Variants in AGPS observed in about 807,000 individuals in gnomAD.
AGPS encodes alkyldihydroxyacetonephosphate synthase, peroxisomal.
In AGPS, 26 loss-of-function variants were observed where a neutral mutation model predicts 90.7. The observed-to-expected ratio is 0.29, with a 90% CI of 0.21 to 0.40. The LOEUF is 0.40. AGPS is among the 10% of genes least tolerant of loss of function. The pLI, the probability that AGPS is intolerant of heterozygous loss-of-function variation, is 1.00. For missense variants in AGPS, 540 were observed against 816.1 expected, an observed-to-expected ratio of 0.66 and a Z score of 4.12; for synonymous variants, 294 against 285.3, an observed-to-expected ratio of 1.03 and a Z score of -0.31.
chr2:177,498,542 T>C (rs994630442), intron 13 of AGPS, among the ~76,000 whole-genome samples: 1 of 151,532 alleles, frequency 6.6e-6, no homozygotes, highest in Admixed American at 6.6e-5. Context: ...TTTAATATAG[T>C]CTAAGCTTAG....
intron 2 of AGPS, among the ~76,000 whole-genome samples, chr2:177,429,760 C>A (rs1036525192): frequency 2.0e-5 from 3 of 152,176 alleles, no homozygotes; most frequent in East Asian, 1.9e-4. Flanking sequence ...TGTCTGGAGA[C>A]CCCTGTTGGG....
At chr2:177,485,450 A>G (rs1200285812) in intron 11 of AGPS, among the ~76,000 whole-genome samples, 1 of 152,188 alleles carries the variant, frequency 6.6e-6, no homozygotes. Flanking sequence ...AGTTTTTATT[A>G]CAATTCGATA....
chr2:177,513,699 T>A, intron 16 of AGPS, 120 bp from the exon 17 acceptor site: 1 of 735,478 alleles, frequency 1.4e-6, no homozygotes. Context: ...AAAGGACAAC[T>A]ATGAAAGCTT....
At chr2:177,416,866 T>G (rs766951787) in intron 1 of AGPS, among the ~76,000 whole-genome samples, 16 of 152,182 alleles carry the variant, frequency 1.1e-4, no homozygotes, top group Non-Finnish European at 1.9e-4. Flanking sequence ...TTTGGTATAG[T>G]TAGCTCTAAG....
At chr2:177,414,809 A>G (rs1685737136) in intron 1 of AGPS, among the ~76,000 whole-genome samples, 1 of 151,420 alleles carries the variant, frequency 6.6e-6, no homozygotes, top group Non-Finnish European at 1.5e-5. Context: ...TACATTTTTA[A>G]TGTATGGTAT....
At chr2:177,401,025 A>G (rs1219648547) in intron 1 of AGPS, among the ~76,000 whole-genome samples, 1 of 152,218 alleles carries the variant, frequency 6.6e-6, no homozygotes, top group Non-Finnish European at 1.5e-5. Flanking sequence ...CTGTCAACTC[A>G]AATTTTGTAG....
At chr2:177,533,447 A>G (rs1003774189) in intron 19 of AGPS, among the ~76,000 whole-genome samples, 3 of 152,142 alleles carry the variant, frequency 2.0e-5, no homozygotes, top group African/African-American at 4.8e-5. Flanking sequence ...GCCAGGGACA[A>G]CATTGTGTTG....
intron 1 of AGPS, among the ~76,000 whole-genome samples, chr2:177,401,730 A>T (rs1388093823): frequency 6.6e-6 from 1 of 152,058 alleles, no homozygotes; most frequent in East Asian, 1.9e-4. Context: ...TTTTTAGTAG[A>T]GATGGGGTTT....
intron 8 of AGPS, among the ~76,000 whole-genome samples, chr2:177,455,859 A>G (rs1199985023): frequency 6.6e-6 from 1 of 152,086 alleles, no homozygotes; most frequent in African/African-American, 2.4e-5. Flanking sequence ...TTTTTAAGGA[A>G]TATATCTGAA....
rs746514371 is a variant in AGPS, at chr2:177,482,041, C to T, written c.1106-18C>T. On this transcript the variant is annotated intron_variant, in intron 10 of 19. Coordinates refer to ENST00000264167, the MANE Select transcript of AGPS (RefSeq NM_003659.4). ...TTGTCATGTGATGTACTGGATTATT[C>T]CCCCTTCTTTTTTTCAGGAACTCTT... 4.1e-5 allele frequency: 65 copies of T among 1,586,884 alleles called. No individual in the cohort carries two copies. Among genetic ancestry groups the T allele is most frequent in the Non-Finnish European group, 5.3e-5 (62 of 1,162,758 alleles).
At chr2:177,484,017 T>G (rs1293418024) in intron 11 of AGPS, among the ~76,000 whole-genome samples, 2 of 151,560 alleles carry the variant, frequency 1.3e-5, no homozygotes, top group African/African-American at 4.8e-5. Flanking sequence ...GGTGTTTTTT[T>G]TTTTTTTTAA....
chr2:177,502,777 C>T (rs1688598885), intron 14 of AGPS, among the ~76,000 whole-genome samples: 1 of 152,012 alleles, frequency 6.6e-6, no homozygotes, highest in African/African-American at 2.4e-5. Flanking sequence ...TGGTTTTCTA[C>T]CAGAAGTTCT....
chr2:177,474,351 G>A (rs984951505), intron 10 of AGPS, among the ~76,000 whole-genome samples: 2 of 152,144 alleles, frequency 1.3e-5, no homozygotes, highest in African/African-American at 4.8e-5. Flanking sequence ...TGAGGAGGGC[G>A]GAAGTTATTA....
At position 177,537,609 on chromosome 2, in the gene AGPS, C is replaced by A. The variant is rs139452758; in HGVS notation, c.1856-465C>A. On this transcript the variant is annotated intron_variant, in intron 19 of 19. Transcript: ENST00000264167. The stretch of plus-strand genomic sequence containing the variant: ...TTTCAAATTTTCTTATTATTTGAAG[C>A]CTTTATGTTCGTTAAAATATTTTAA... 1.1e-4 allele frequency among the ~76,000 whole-genome samples: 16 copies of A among 151,930 alleles called. No individual in the cohort carries two copies. In the East Asian group the frequency reaches 2.7e-3, roughly 26 times the overall value.
chr2:177,419,388 G>C (rs1685880618), intron 1 of AGPS, among the ~76,000 whole-genome samples: 2 of 151,920 alleles, frequency 1.3e-5, no homozygotes, highest in Non-Finnish European at 3.0e-5. Context: ...TGAATTTGTA[G>C]TAAGAAGACT....
intron 11 of AGPS, among the ~76,000 whole-genome samples, chr2:177,489,028 CAAGT>C (rs1688174656): frequency 1.3e-5 from 2 of 151,310 alleles, no homozygotes; most frequent in South Asian, 2.1e-4. Context: ...TTTTCTGTGA[CAAGT>C]AAGAGCTATG....
At chr2:177,482,008 T>A (rs760793108) in intron 10 of AGPS, 51 bp from the exon 11 acceptor site, 28 of 1,511,658 alleles carry the variant, frequency 1.9e-5, no homozygotes, top group Non-Finnish European at 2.5e-5. Flanking sequence ...TAAATATGAT[T>A]TAGAAAATTG....
intron 2 of AGPS, among the ~76,000 whole-genome samples, chr2:177,429,303 A>G (rs1686170177): frequency 6.6e-6 from 1 of 152,118 alleles, no homozygotes; most frequent in South Asian, 2.1e-4. Flanking sequence ...TCTGAAGCCT[A>G]CTTCTGTGAT....
intron 10 of AGPS, among the ~76,000 whole-genome samples, chr2:177,480,583 G>A (rs1229054466): frequency 6.6e-6 from 1 of 152,076 alleles, no homozygotes; most frequent in African/African-American, 2.4e-5. Flanking sequence ...TGTTGTGGCG[G>A]GGGGAAGTGG....
Sources: gnomAD v4.1 joint callset for allele counts (sites outside exome capture counted in the v4.1 genomes callset) on GRCh38, gnomAD v4.1.1 for gene constraint, MANE v1.5 for transcripts, NCBI Gene and HGNC (gene_info 2026-07-23, HGNC 2026-07-21) for gene names.